The following CILK1 variants were observed in gnomAD, a reference collection of about 807,000 sequenced individuals.
CILK1 encodes the protein ciliogenesis associated kinase 1, also known as serine/threonine-protein kinase ICK.
CILK1 carries 47 observed loss-of-function variants against 79.2 expected under a neutral mutation model. That is an observed-to-expected ratio of 0.59 (90% CI 0.47 to 0.76). The LOEUF is 0.76. Ranked by LOEUF, CILK1 falls within the 30% of genes least tolerant of loss-of-function variation. The pLI is 0.00. For synonymous variants in CILK1, 266 were observed against 275.9 expected (o/e 0.96, Z 0.36); for missense variants, 660 against 769.5 (o/e 0.86, Z 1.68).
chr6:53,029,652 G>T (rs1285535864), intron 5 of CILK1, among the ~76,000 whole-genome samples: 1 of 152,176 alleles, frequency 6.6e-6, no homozygotes, highest in Non-Finnish European at 1.5e-5. Context: ...AGCTACTCAG[G>T]AGGCTAAGGC....
At chr6:53,038,786 C>T (rs1348086781) in intron 2 of CILK1, among the ~76,000 whole-genome samples, 6 of 151,836 alleles carry the variant, frequency 4.0e-5, no homozygotes, top group Admixed American at 1.3e-4. Flanking sequence ...ACCATATGGC[C>T]TGTGAAGCTT....
At chr6:53,047,768 T>C (rs557668930) in intron 1 of CILK1, among the ~76,000 whole-genome samples, 1 of 152,028 alleles carries the variant, frequency 6.6e-6, no homozygotes, top group East Asian at 1.9e-4. Flanking sequence ...CCAGGTGAAA[T>C]ATGATGAAAG....
chr6:53,005,877 C>G (rs1260773018), intron 13 of CILK1, among the ~76,000 whole-genome samples: 1 of 152,154 alleles, frequency 6.6e-6, no homozygotes, highest in Non-Finnish European at 1.5e-5. Flanking sequence ...CCTGTCACTC[C>G]CACACTCTGG....
intron 5 of CILK1, among the ~76,000 whole-genome samples, chr6:53,021,320 G>A (rs950909201): frequency 2.7e-5 from 3 of 113,096 alleles, no homozygotes; most frequent in African/African-American, 3.5e-5. Context: ...GCAAGACTTC[G>A]TTTTGGAGCG....
intron 3 of CILK1, 74 bp from the exon 4 acceptor site, chr6:53,032,728 C>T: frequency 4.9e-6 from 6 of 1,224,126 alleles, no homozygotes; most frequent in Non-Finnish European, 5.8e-6. Context: ...AAAAGTAATC[C>T]TATGTATACT....
Position 53,013,518 on chromosome 6 carries a change from G to C in CILK1, c.1152+144C>G. The C allele has an allele frequency of 1.4e-5, 11 of 795,626 alleles. No homozygotes were observed. The South Asian group carries it at 1.7e-4, about 12-fold the overall frequency. 49.3% of individuals were successfully genotyped at this position (795,626 alleles called of 1,614,324 possible). A position where few individuals can be genotyped will look rare whatever the true frequency, so the allele number is the denominator to read the frequency against. ...TTAGATCTTTCACTCCAAAGCCAAG[G>C]GTCTTTACAATTCCATGCTGTTGCA... On this transcript the variant is annotated intron_variant, in intron 9 of 13. Transcript: ENST00000676107.
At chr6:53,036,605 G>A (rs1480048826) in intron 3 of CILK1, among the ~76,000 whole-genome samples, 2 of 152,036 alleles carry the variant, frequency 1.3e-5, no homozygotes, top group African/African-American at 2.4e-5. Flanking sequence ...TAGTAGAGAA[G>A]GGCTTTCACC....
chr6:53,031,090 T>C lies in CILK1; in HGVS notation c.333A>G (p.Gln111=), dbSNP rs1294640078. 1.2e-6 allele frequency: 2 copies of C among 1,609,884 alleles called. No homozygotes were observed. Among genetic ancestry groups the C allele is most frequent in the South Asian group, 1.1e-5 (1 of 91,002 alleles). The part of the protein sequence containing the change: ...AIRNIMYQIL[Q]GLAFIHKHGF... ...CGTGTTTGTGAATAAATGCGAGTCC[T>C]TGTAATATCTGATACATGATATTCC... Residue 111 remains glutamine, a synonymous_variant, in exon 5 of 14, where the codon CAA becomes CAG. Coordinates refer to ENST00000676107, the MANE Select transcript of CILK1 (RefSeq NM_014920.5).
At chr6:53,006,280 G>A in intron 13 of CILK1, 35 bp downstream of exon 13, 1 of 1,602,768 alleles carries the variant, frequency 6.2e-7, no homozygotes, top group Non-Finnish European at 8.5e-7. Flanking sequence ...ACCATTTGTT[G>A]AGTAAATTCA....
chr6:53,010,726 GC>G (rs1262358536), intron 11 of CILK1, among the ~76,000 whole-genome samples: 1 of 152,052 alleles, frequency 6.6e-6, no homozygotes, highest in Non-Finnish European at 1.5e-5. Flanking sequence ...ATTCTTTGGG[GC>G]CCAGTCAAGT....
At position 53,041,204 on chromosome 6, in the gene CILK1, C is replaced by G. The variant is rs1302558091; in HGVS notation, c.33G>C (p.Gly11=). The G allele has an allele frequency of 6.2e-7, 1 of 1,613,808 alleles. No homozygotes were observed. Among genetic ancestry groups the G allele is most frequent in the Non-Finnish European group, 8.5e-7 (1 of 1,179,894 alleles). The change falls in exon 2 of 14, where the codon GGG becomes GGC. Residue 11 remains glycine, a synonymous_variant. Transcript: ENST00000676107. MNRYTTIRQL[G]DGTYGSVLLG... is the part of the protein sequence containing the mutation. ...GCAGGACGGAACCGTAGGTTCCATC[C>G]CCGAGCTGCCTGATTGTTGTGTATC...
At chr6:53,015,445 A>G (rs959759920) in intron 8 of CILK1, among the ~76,000 whole-genome samples, 2 of 152,228 alleles carry the variant, frequency 1.3e-5, no homozygotes, top group African/African-American at 4.8e-5. Context: ...GTTGAATTGT[A>G]GTTAGTTGCA....
chr6:53,048,816 A>T (rs931125896), intron 1 of CILK1, among the ~76,000 whole-genome samples: 6 of 152,216 alleles, frequency 3.9e-5, no homozygotes, highest in Admixed American at 3.3e-4. Flanking sequence ...GATCTAAGCC[A>T]AGCAAAGGAA....
chr6:53,039,917 C>T (rs892897326), intron 2 of CILK1, among the ~76,000 whole-genome samples: 1 of 151,838 alleles, frequency 6.6e-6, no homozygotes, highest in African/African-American at 2.4e-5. Context: ...ATAAATATTA[C>T]GTAAAATTGA....
intron 5 of CILK1, among the ~76,000 whole-genome samples, chr6:53,027,928 A>G (rs899353122): frequency 8.5e-5 from 13 of 152,090 alleles, no homozygotes; most frequent in African/African-American, 3.1e-4. Context: ...CGGGTGGATC[A>G]CGAGGTCAGG....
At chr6:53,045,238 C>T (rs746892213) in intron 1 of CILK1, among the ~76,000 whole-genome samples, 2 of 152,212 alleles carry the variant, frequency 1.3e-5, no homozygotes, top group Non-Finnish European at 2.9e-5. Context: ...AGATTGGATT[C>T]AGGCTGTGCC....
chr6:53,038,997 AG>A (rs1246248031), intron 2 of CILK1, among the ~76,000 whole-genome samples: 2 of 152,254 alleles, frequency 1.3e-5, no homozygotes, highest in African/African-American at 4.8e-5. Context: ...ACAGAAACAG[AG>A]AAGGTACACG....
chr6:53,038,465 GT>G (rs555462231), intron 2 of CILK1, among the ~76,000 whole-genome samples: 4 of 152,094 alleles, frequency 2.6e-5, no homozygotes, highest in Non-Finnish European at 5.9e-5. Flanking sequence ...GCCACATATG[GT>G]TACTTGCTAT....
chr6:53,014,749 T>C (rs915518027), intron 8 of CILK1, among the ~76,000 whole-genome samples: 3 of 152,222 alleles, frequency 2.0e-5, no homozygotes, highest in Non-Finnish European at 4.4e-5. Context: ...TAGCATCTAT[T>C]ATAACTTGAA....
Sources: allele counts gnomAD v4.1 joint callset (sites outside exome capture counted in the v4.1 genomes callset), GRCh38; gene constraint gnomAD v4.1.1; transcripts MANE v1.5; gene names NCBI Gene and HGNC (gene_info 2026-07-23, HGNC 2026-07-21).